The following SCMH1 variants were observed in gnomAD, a reference collection of about 807,000 sequenced individuals.
The protein encoded by SCMH1 is Scm polycomb group protein homolog 1.
In SCMH1, 37 loss-of-function variants were observed where a neutral mutation model predicts 70.8. The observed-to-expected ratio is 0.52, with a 90% CI of 0.40 to 0.69. The LOEUF (loss-of-function observed/expected upper bound fraction) is 0.69. SCMH1 is among the 30% of genes least tolerant of loss of function. The probability of loss-of-function intolerance (pLI) is 0.00; values close to 1 mark genes in which losing one functional copy is unlikely to be tolerated. For missense variants in SCMH1, 607 were observed against 827.3 expected, an observed-to-expected ratio of 0.73 and a Z score of 3.27; for synonymous variants, 292 against 307.4, an observed-to-expected ratio of 0.95 and a Z score of 0.52.
chr1:41,059,931 G>A (rs75806252), intron 10 of SCMH1, among the ~76,000 whole-genome samples: 2,646 of 150,410 alleles, frequency 0.018, 66 homozygotes, highest in African/African-American at 0.062. Context: ...CGGGTCCAGA[G>A]AATTTCTAAT....
At chr1:41,112,016 T>C (rs1013270816) in intron 8 of SCMH1, among the ~76,000 whole-genome samples, 1 of 152,224 alleles carries the variant, frequency 6.6e-6, no homozygotes, top group African/African-American at 2.4e-5. Flanking sequence ...TATATTTCAA[T>C]AGGGCTATTA....
chr1:41,160,803 A>T (rs1413569809), intron 4 of SCMH1, 72 bp downstream of exon 4: 2 of 1,412,666 alleles, frequency 1.4e-6, no homozygotes, highest in African/African-American at 2.9e-5. Flanking sequence ...TCGTTGGTTA[A>T]AACTGGTTAT....
chr1:41,226,162 T>C (rs1420904767), intron 1 of SCMH1, among the ~76,000 whole-genome samples: 2 of 152,216 alleles, frequency 1.3e-5, no homozygotes, highest in African/African-American at 4.8e-5. Context: ...TTAAATCTTA[T>C]AAGATTTTGA....
intron 8 of SCMH1, among the ~76,000 whole-genome samples, chr1:41,102,854 A>G (rs1175665817): frequency 6.6e-6 from 1 of 152,182 alleles, no homozygotes; most frequent in Non-Finnish European, 1.5e-5. Context: ...AGCACCTGCT[A>G]GTCAGCCACA....
intron 6 of SCMH1, among the ~76,000 whole-genome samples, chr1:41,118,882 C>A (rs1322612552): frequency 3.9e-5 from 6 of 152,178 alleles, no homozygotes; most frequent in African/African-American, 1.4e-4. Context: ...ACCCAAGCTG[C>A]AAAGCTGGAA....
chr1:41,178,584 C>G (rs1210938088), intron 2 of SCMH1, among the ~76,000 whole-genome samples: 5 of 152,134 alleles, frequency 3.3e-5, no homozygotes, highest in Non-Finnish European at 5.9e-5. Flanking sequence ...TGGTTGCAAT[C>G]CTAGTCTCTG....
chr1:41,064,654 T>A (rs1475002501), intron 10 of SCMH1, among the ~76,000 whole-genome samples: 1 of 152,204 alleles, frequency 6.6e-6, no homozygotes, highest in Non-Finnish European at 1.5e-5. Flanking sequence ...AATGGCTCCC[T>A]GTAATCCCAA....
chr1:41,034,544 G>A (rs762076826), intron 13 of SCMH1, among the ~76,000 whole-genome samples: 1 of 152,110 alleles, frequency 6.6e-6, no homozygotes, highest in Non-Finnish European at 1.5e-5. Context: ...GACCAGGATA[G>A]TCTTGATCTC....
chr1:41,166,708 T>C (rs1159673018), intron 2 of SCMH1, among the ~76,000 whole-genome samples: 1 of 152,166 alleles, frequency 6.6e-6, no homozygotes, highest in East Asian at 1.9e-4. Context: ...ATCCTGCAAC[T>C]TTCCTGGATT....
intron 1 of SCMH1, among the ~76,000 whole-genome samples, chr1:41,208,273 T>G (rs1656056018): frequency 1.0e-5 from 1 of 96,274 alleles, no homozygotes; most frequent in African/African-American, 4.0e-5. Flanking sequence ...CTGGGGACTG[T>G]GGTGGGGTCG....
intron 6 of SCMH1, among the ~76,000 whole-genome samples, chr1:41,123,502 G>A (rs1388940626): frequency 6.6e-6 from 1 of 152,058 alleles, no homozygotes; most frequent in East Asian, 1.9e-4. Context: ...AATCCCCTAG[G>A]GAACATTAAA....
At chr1:41,211,480 C>T (rs1336099905) in intron 1 of SCMH1, among the ~76,000 whole-genome samples, 11 of 152,174 alleles carry the variant, frequency 7.2e-5, no homozygotes, top group African/African-American at 4.8e-5. Context: ...TACCATCTCA[C>T]GCCAGTTAGA....
chr1:41,034,022 T>C (rs1429242473), intron 13 of SCMH1: 4 of 1,613,304 alleles, frequency 2.5e-6, no homozygotes, highest in East Asian at 4.5e-5. Context: ...TCCATATCCC[T>C]TCTTTCATTT....
chr1:41,163,405 C>T (rs908992593), intron 2 of SCMH1, among the ~76,000 whole-genome samples: 5 of 152,186 alleles, frequency 3.3e-5, no homozygotes, highest in Non-Finnish European at 7.4e-5. Context: ...GTGAGTGGAA[C>T]GAGCCCAGTG....
Position 41,028,095 on chromosome 1 carries a change from G to A in SCMH1, c.*99C>T, listed in dbSNP as rs144828235. On this transcript the variant is annotated 3_prime_UTR_variant, in exon 15 of 15. Transcript: ENST00000337495. ...GCCTCTTGGAGTCCTGAGGTGGCCC[G>A]GAACCCCACTGAGGTGCCTGGGGTG... 1.1e-4 allele frequency: 156 copies of A among 1,482,650 alleles called. No homozygotes were observed. In the East Asian group the frequency reaches 1.6e-3, roughly 15 times the overall value. The allele number at this position is 1,482,650 out of a possible 1,614,324, so 91.8% of individuals were successfully genotyped here. A position where few individuals can be genotyped will look rare whatever the true frequency, so the allele number is the denominator to read the frequency against.
chr1:41,213,190 A>G (rs1483527308), intron 1 of SCMH1, among the ~76,000 whole-genome samples: 1 of 152,250 alleles, frequency 6.6e-6, no homozygotes, highest in Non-Finnish European at 1.5e-5. Context: ...CAAATTAGTT[A>G]CAAACCTTTT....
chr1:41,125,605 C>T (rs1672995112), intron 6 of SCMH1, among the ~76,000 whole-genome samples: 1 of 151,440 alleles, frequency 6.6e-6, no homozygotes, highest in African/African-American at 2.4e-5. Flanking sequence ...AGAGGTTTTA[C>T]TCTGTCACCC....
chr1:41,161,524 A>C (rs1646030630), intron 2 of SCMH1, 92 bp from the exon 3 acceptor site: 2 of 1,351,256 alleles, frequency 1.5e-6, no homozygotes, highest in Non-Finnish European at 2.0e-6. Flanking sequence ...GTTTTTAATA[A>C]AGTAATCCAC....
chr1:41,088,901 G>A (rs1012223344), intron 8 of SCMH1, among the ~76,000 whole-genome samples: 1 of 152,214 alleles, frequency 6.6e-6, no homozygotes, highest in Non-Finnish European at 1.5e-5. Context: ...TTACCAACCT[G>A]TAAATGATGG....
Sources: allele counts gnomAD v4.1 joint callset (sites outside exome capture counted in the v4.1 genomes callset), GRCh38; gene constraint gnomAD v4.1.1; transcripts MANE v1.5; gene names NCBI Gene and HGNC (gene_info 2026-07-23, HGNC 2026-07-21).